Variants in DGKD observed in about 807,000 individuals in gnomAD.
The protein encoded by DGKD is DAG kinase delta.
DGKD carries 68 observed loss-of-function variants against 154.4 expected under a neutral mutation model. That is an observed-to-expected ratio of 0.44 (90% CI 0.36 to 0.54). The LOEUF (loss-of-function observed/expected upper bound fraction) is 0.54, where lower values mean the gene tolerates loss of function less well. Among genes scored for constraint, DGKD ranks in the 20% least tolerant of loss-of-function variants. The pLI, the probability that DGKD is intolerant of heterozygous loss-of-function variation, is 0.00. For missense variants in DGKD, 1,343 were observed against 1,593.6 expected, an observed-to-expected ratio of 0.84 and a Z score of 2.68; for synonymous variants, 693 against 638.0, an observed-to-expected ratio of 1.09 and a Z score of -1.30.
At chr2:233,436,536 G>C (rs955150368) in intron 7 of DGKD, 95 bp downstream of exon 7, 1 of 1,483,230 alleles carries the variant, frequency 6.7e-7, no homozygotes. Context: ...GCTGGATCCT[G>C]GTAAATTAAT....
At chr2:233,372,574 C>T (rs544968535) in intron 1 of DGKD, among the ~76,000 whole-genome samples, 8 of 151,666 alleles carry the variant, frequency 5.3e-5, no homozygotes, top group Non-Finnish European at 8.8e-5. Flanking sequence ...CCAGGTTTGT[C>T]AAGAATTAAG....
intron 10 of DGKD, chr2:233,442,234 G>C: frequency 3.1e-6 from 2 of 642,410 alleles, no homozygotes; most frequent in East Asian, 3.1e-5. Flanking sequence ...CCTGAAGGGA[G>C]CTACGAAAAG....
In DGKD at chr2:233,451,060, G is replaced by A. The variant is rs755705071; in HGVS notation, c.2167+10G>A. 7 of 1,597,978 alleles carry A rather than the reference G, an allele frequency of 4.4e-6. No homozygotes were observed. Among genetic ancestry groups the A allele is most frequent in the Admixed American group, 3.3e-5 (2 of 59,770 alleles). ...AAGATCCTGTACCCAAGTGAGTGGC[G>A]GCCAGCAGGAGGGACTGGTGGGGGC... On this transcript the variant is annotated intron_variant, in intron 17 of 29. Transcript: ENST00000264057.
chr2:233,449,526 C>T lies in DGKD; in HGVS notation c.1888+150C>T, dbSNP rs888508580. ...CCATGTCCAGGCACCAGACCCCCAA[C>T]GAGTTCGCTTGCCCTCCTTCCACCC... On this transcript the variant is annotated intron_variant, in intron 15 of 29. Transcript: ENST00000264057. The surrounding 1 kb of genome is among the most constrained non-coding windows in gnomAD (Gnocchi z 5.3). The T allele has an allele frequency of 8.7e-7, 1 of 1,146,880 alleles. No homozygotes were observed. Among genetic ancestry groups the T allele is most frequent in the Non-Finnish European group, 1.2e-6 (1 of 834,400 alleles). The allele number at this position is 1,146,880 out of a possible 1,614,324, so 71.0% of individuals were successfully genotyped here. A position where few individuals can be genotyped will look rare whatever the true frequency, so the allele number is the denominator to read the frequency against.
intron 3 of DGKD, among the ~76,000 whole-genome samples, chr2:233,396,757 GTC>G (rs1177342943): frequency 2.0e-5 from 3 of 152,112 alleles, no homozygotes; most frequent in African/African-American, 7.2e-5. Flanking sequence ...CTTTGTGTGT[GTC>G]TGTGTGTTTC....
intron 3 of DGKD, among the ~76,000 whole-genome samples, chr2:233,418,127 T>C (rs1176052368): frequency 6.6e-6 from 1 of 152,258 alleles, no homozygotes; most frequent in Non-Finnish European, 1.5e-5. Flanking sequence ...AACATCTTTC[T>C]GTGTCCATGA....
At chr2:233,431,961 A>G (rs2062528050) in intron 3 of DGKD, among the ~76,000 whole-genome samples, 1 of 152,238 alleles carries the variant, frequency 6.6e-6, no homozygotes, top group African/African-American at 2.4e-5. Context: ...AAGTGGACAA[A>G]TGGTTAAAGC....
In DGKD at chr2:233,449,088, C is replaced by T. The variant is rs1334694122; in HGVS notation, c.1615-15C>T. On this transcript the variant is annotated splice_polypyrimidine_tract_variant and intron_variant, in intron 14 of 29. Coordinates refer to ENST00000264057, the MANE Select transcript of DGKD (RefSeq NM_152879.3). This position sits in a 1 kb window ranked among gnomAD's most constrained non-coding sequence, Gnocchi z 5.3. Reference sequence around the variant, plus strand: ...CCTGCCTCAGCTCTGCATGCCATTTCCTTTCCTTGTTCAGTGCTCTGTCCT... The same window carrying T: ...CCTGCCTCAGCTCTGCATGCCATTTTCTTTCCTTGTTCAGTGCTCTGTCCT... The T allele has an allele frequency of 6.3e-7, 1 of 1,576,176 alleles. No individual in the cohort carries two copies.
Position 233,390,472 on chromosome 2 carries a change from A to G in DGKD, c.337A>G (p.Asn113Asp). The G allele has an allele frequency of 6.2e-7, 1 of 1,613,836 alleles. No individual in the cohort carries two copies. The highest frequency in any genetic ancestry group is 8.5e-7 in the Non-Finnish European group (1 of 1,179,770). Reference protein sequence around the residue: ...VAESSTKNVNNSFTVITPCRK... With the variant: ...VAESSTKNVNDSFTVITPCRK... ...TGAATCCAGTACCAAAAACGTCAAC[A>G]ACAGTTTTACGGTAAGATTCCTCAG... Residue 113 changes from asparagine (N) to aspartate (D), a missense_variant, in exon 3 of 30, where the codon AAC becomes GAC. Coordinates refer to ENST00000264057, the MANE Select transcript of DGKD (RefSeq NM_152879.3).
At chr2:233,375,854 G>A (rs954644797) in intron 1 of DGKD, among the ~76,000 whole-genome samples, 4 of 152,094 alleles carry the variant, frequency 2.6e-5, no homozygotes, top group African/African-American at 9.7e-5. Flanking sequence ...TTTCTCCTGA[G>A]CATTTTAAAG....
Position 233,437,456 on chromosome 2 carries a change from C to T in DGKD, c.899C>T (p.Ala300Val). 6.2e-7 allele frequency: 1 copy of T among 1,614,246 alleles called. No individual in the cohort carries two copies. Among genetic ancestry groups the T allele is most frequent in the Non-Finnish European group, 8.5e-7 (1 of 1,180,042 alleles). ...LCKVSVIPPT[A>V]LNSIDSDGFW... The stretch of plus-strand genomic sequence containing the variant: ...AAAGTGTCAGTCATCCCACCCACGG[C>T]TCTCAACAGCATCGACTCCGATGGT... The change falls in exon 8 of 30, where the codon GCT (alanine) becomes GTT (valine). Residue 300 changes from alanine to valine, a missense_variant. Coordinates refer to ENST00000264057, the MANE Select transcript of DGKD (RefSeq NM_152879.3).
chr2:233,405,903 TAG>T lies in DGKD; in HGVS notation c.348+15423_348+15424del, dbSNP rs546003860. On this transcript the variant is annotated intron_variant, in intron 3 of 29. Coordinates refer to ENST00000264057, the MANE Select transcript of DGKD (RefSeq NM_152879.3). ...AGAATATCATGAAGGTAGTGTATGT[TAG>T]AGTTAGGTTTAGCTACTGTATTAGT... Among the ~76,000 whole-genome samples the T allele has an allele frequency of 2.6e-4, 40 of 152,358 alleles. 1 individual carries two copies. The highest frequency in any genetic ancestry group is 4.9e-4 in the Non-Finnish European group (33 of 68,040).
chr2:233,415,711 C>T (rs2061943528), intron 3 of DGKD, among the ~76,000 whole-genome samples: 1 of 152,186 alleles, frequency 6.6e-6, no homozygotes, highest in Non-Finnish European at 1.5e-5. Context: ...GCAGCTTTGA[C>T]CTCCTGGGCT....
intron 4 of DGKD, 60 bp from the exon 5 acceptor site, chr2:233,434,709 C>T (rs2062633052): frequency 6.3e-7 from 1 of 1,576,774 alleles, no homozygotes; most frequent in Non-Finnish European, 8.6e-7. Flanking sequence ...GTCCAAGTTA[C>T]TGCATTTAAC....
chr2:233,374,387 T>C (rs1318497494), intron 1 of DGKD, among the ~76,000 whole-genome samples: 2 of 152,050 alleles, frequency 1.3e-5, no homozygotes, highest in Non-Finnish European at 2.9e-5. Flanking sequence ...CAGGCTGGAG[T>C]GCAGTGGTGC....
intron 3 of DGKD, among the ~76,000 whole-genome samples, chr2:233,400,019 C>A (rs760917509): frequency 6.6e-6 from 1 of 152,130 alleles, no homozygotes; most frequent in South Asian, 2.1e-4. Context: ...TAGAAAGCAG[C>A]GCTGTACACA....
intron 3 of DGKD, chr2:233,409,060 T>G (rs2061757542): frequency 6.6e-6 from 1 of 152,248 alleles, no homozygotes; most frequent in South Asian, 2.1e-4. Flanking sequence ...TGGTGAGCAG[T>G]GGAACCAATT....
At chr2:233,434,602 G>GT in intron 4 of DGKD, 118 bp downstream of exon 4, 1 of 1,429,620 alleles carries the variant, frequency 7.0e-7, no homozygotes, top group Non-Finnish European at 9.7e-7. Context: ...TTCTTAGCAT[G>GT]TTCTTTATAC....
At chr2:233,426,231 C>G (rs1382776616) in intron 3 of DGKD, among the ~76,000 whole-genome samples, 4 of 152,188 alleles carry the variant, frequency 2.6e-5, no homozygotes, top group Non-Finnish European at 5.9e-5. Flanking sequence ...CTTTCTCTCC[C>G]TGTCTCTTGT....
Sources: allele counts gnomAD v4.1 joint callset (sites outside exome capture counted in the v4.1 genomes callset), GRCh38; gene constraint gnomAD v4.1.1; non-coding constraint Gnocchi (gnomAD v3.1); transcripts MANE v1.5; gene names NCBI Gene and HGNC (gene_info 2026-07-23, HGNC 2026-07-21).